VKORC1L1: variants seen among roughly 807,000 people sequenced by gnomAD.
VKORC1L1 encodes vitamin K epoxide reductase complex subunit 1L1.
A neutral mutation model predicts 18.9 loss-of-function variants in VKORC1L1; 2 were observed. That is an observed-to-expected ratio of 0.11 (90% confidence interval 0.04 to 0.33). The LOEUF is 0.33. VKORC1L1 is among the 10% of genes least tolerant of loss of function. The probability of loss-of-function intolerance (pLI) is 1.00; values close to 1 mark genes in which losing one functional copy is unlikely to be tolerated. For synonymous variants in VKORC1L1, 96 were observed against 100.0 expected (o/e 0.96, Z 0.24); for missense variants, 123 against 224.1 (o/e 0.55, Z 2.88).
At chr7:65,928,037 G>C (rs1291439336) in intron 1 of VKORC1L1, among the ~76,000 whole-genome samples, 1 of 151,856 alleles carries the variant, frequency 6.6e-6, no homozygotes, top group Non-Finnish European at 1.5e-5. Context: ...CTATAGTAAG[G>C]CACTTAGAAT....
chr7:65,948,854 T>C, intron 2 of VKORC1L1, 74 bp downstream of exon 2: 2 of 1,485,442 alleles, frequency 1.3e-6, no homozygotes, highest in Non-Finnish European at 1.8e-6. Context: ...CTGAAGTGTC[T>C]TGATGTTAAA....
chr7:65,906,312 T>C (rs1000523133), intron 1 of VKORC1L1, among the ~76,000 whole-genome samples: 2 of 151,600 alleles, frequency 1.3e-5, no homozygotes, highest in South Asian at 2.1e-4. Context: ...AGGATGAGGC[T>C]GCAGTGAGCT....
chr7:65,889,428 C>G (rs1268104227), intron 1 of VKORC1L1, among the ~76,000 whole-genome samples: 2 of 152,238 alleles, frequency 1.3e-5, no homozygotes, highest in Non-Finnish European at 2.9e-5. Flanking sequence ...TTGTGCAAGT[C>G]AGAAACCTGG....
intron 1 of VKORC1L1, among the ~76,000 whole-genome samples, chr7:65,889,378 C>T (rs1789072241): frequency 6.6e-6 from 1 of 152,180 alleles, no homozygotes; most frequent in Non-Finnish European, 1.5e-5. Flanking sequence ...TCCAAAAATG[C>T]TGTTGGCTAT....
At position 65,959,511 on chromosome 7, in the gene VKORC1L1, C is replaced by CTCAT. The variant is rs1790363147; in HGVS notation, c.*5213_*5216dup. On this transcript the variant is annotated 3_prime_UTR_variant, in exon 3 of 3. Coordinates refer to ENST00000360768, the MANE Select transcript of VKORC1L1 (RefSeq NM_173517.6). ...AGATTCCTAATTGGAACTGACTACA[C>CTCAT]TCATTTTTAAAAAATGGACGATGCC... 6.6e-6 allele frequency: 1 copy of CTCAT among 152,208 alleles called. No individual in the cohort carries two copies. Among genetic ancestry groups the CTCAT allele is most frequent in the Non-Finnish European group, 1.5e-5 (1 of 68,040 alleles). 9.4% of individuals were successfully genotyped at this position (152,208 alleles called of 1,614,324 possible).
chr7:65,930,320 G>A (rs532718751), intron 1 of VKORC1L1, among the ~76,000 whole-genome samples: 1 of 152,320 alleles, frequency 6.6e-6, no homozygotes, highest in African/African-American at 2.4e-5. Context: ...AAGCTTTAGA[G>A]TGGAAGAAAG....
At chr7:65,892,425 A>T (rs1789124555) in intron 1 of VKORC1L1, among the ~76,000 whole-genome samples, 1 of 152,198 alleles carries the variant, frequency 6.6e-6, no homozygotes, top group South Asian at 2.1e-4. Flanking sequence ...CTTTTTCCAC[A>T]TCCTCACCAT....
At chr7:65,906,153 G>A (rs972918089) in intron 1 of VKORC1L1, among the ~76,000 whole-genome samples, 1 of 151,664 alleles carries the variant, frequency 6.6e-6, no homozygotes, top group Non-Finnish European at 1.5e-5. Flanking sequence ...TTGTCAAAAA[G>A]GCCAGGCACG....
intron 2 of VKORC1L1, among the ~76,000 whole-genome samples, chr7:65,952,552 G>T (rs2115751272): frequency 6.6e-6 from 1 of 151,992 alleles, no homozygotes. Context: ...ACAGGGCCCA[G>T]GATTTCAGCT....
intron 2 of VKORC1L1, among the ~76,000 whole-genome samples, chr7:65,952,702 C>T (rs559998852): frequency 6.6e-6 from 1 of 150,910 alleles, no homozygotes; most frequent in East Asian, 1.9e-4. Flanking sequence ...CACATATTCT[C>T]TATACTGTTG....
chr7:65,921,379 T>C (rs1455486183), intron 1 of VKORC1L1, among the ~76,000 whole-genome samples: 5 of 152,182 alleles, frequency 3.3e-5, no homozygotes, highest in African/African-American at 1.2e-4. Flanking sequence ...TATTATCTTA[T>C]TCATATACAT....
chr7:65,942,769 G>C (rs1251035831), intron 1 of VKORC1L1, among the ~76,000 whole-genome samples: 1 of 151,724 alleles, frequency 6.6e-6, no homozygotes, highest in African/African-American at 2.4e-5. Context: ...TAAGTGATCT[G>C]CCTACCTCGG....
At chr7:65,901,458 G>C (rs974297189) in intron 1 of VKORC1L1, among the ~76,000 whole-genome samples, 10 of 152,176 alleles carry the variant, frequency 6.6e-5, no homozygotes, top group African/African-American at 2.4e-4. Flanking sequence ...GGTTTACCTT[G>C]CTATTTTAAG....
At chr7:65,951,243 T>C (rs1019599697) in intron 2 of VKORC1L1, among the ~76,000 whole-genome samples, 3 of 152,164 alleles carry the variant, frequency 2.0e-5, no homozygotes, top group Non-Finnish European at 4.4e-5. Context: ...CATTTTTAAT[T>C]TAATTTTTTC....
In VKORC1L1 at chr7:65,901,719, G is replaced by A. The variant is rs372006253; in HGVS notation, c.194+28154G>A. On this transcript the variant is annotated intron_variant, in intron 1 of 2. Coordinates refer to ENST00000360768, the MANE Select transcript of VKORC1L1 (RefSeq NM_173517.6). ...ATTCGTGGGGCAGAGTACCAGAGAG[G>A]TGGGAGTTGTACACAGAACTCCAGT... Among the ~76,000 whole-genome samples the A allele has an allele frequency of 4.1e-4, 62 of 152,240 alleles. 1 individual carries two copies. Among genetic ancestry groups the A allele is most frequent in the African/African-American group, 1.4e-3 (58 of 41,532 alleles).
In VKORC1L1 at chr7:65,887,828, T is replaced by TA. The variant is rs34339480; in HGVS notation, c.194+14272dup. Among the ~76,000 whole-genome samples, 582 of 151,572 alleles carry TA rather than the reference T, an allele frequency of 3.8e-3. 2 individuals carry two copies. The highest frequency in any genetic ancestry group is 0.014 in the Middle Eastern group (4 of 294). ...TAATTTTGTTTTTTTTCCTGTCATT[T>TA]AAAAAAAAAGCAACAAATAACAGGA... On this transcript the variant is annotated intron_variant, in intron 1 of 2. Coordinates refer to ENST00000360768, the MANE Select transcript of VKORC1L1 (RefSeq NM_173517.6).
At chr7:65,906,068 G>C (rs1487140256) in intron 1 of VKORC1L1, among the ~76,000 whole-genome samples, 1 of 151,696 alleles carries the variant, frequency 6.6e-6, no homozygotes, top group East Asian at 1.9e-4. Context: ...GAATGTGAGC[G>C]TTTTGAAGAC....
Position 65,873,428 on chromosome 7 carries a change from G to A in VKORC1L1, c.57G>A (p.Arg19=). Residue 19 remains arginine, a synonymous_variant, in exon 1 of 3, where the codon CGG becomes CGA. Coordinates refer to ENST00000360768, the MANE Select transcript of VKORC1L1 (RefSeq NM_173517.6). ...TGCCGCGGTGGGAGCGGGTGGCCCG[G>A]TATGCAGTGTGCGCTGCCGGAATCC... ...VSVPRWERVA[R]YAVCAAGILL... 6 of 1,587,158 alleles carry A rather than the reference G, an allele frequency of 3.8e-6. No individual in the cohort carries two copies. Among genetic ancestry groups the A allele is most frequent in the Non-Finnish European group, 5.1e-6 (6 of 1,169,652 alleles).
chr7:65,908,878 T>C (rs1201001148), intron 1 of VKORC1L1, among the ~76,000 whole-genome samples: 5 of 151,314 alleles, frequency 3.3e-5, no homozygotes, highest in Admixed American at 6.6e-5. Flanking sequence ...TAGACTGATA[T>C]GTTTGCAAGA....
Sources: allele counts gnomAD v4.1 joint callset (sites outside exome capture counted in the v4.1 genomes callset), GRCh38; gene constraint gnomAD v4.1.1; transcripts MANE v1.5; gene names NCBI Gene and HGNC (gene_info 2026-07-23, HGNC 2026-07-21).